Variants in SOX5 observed in about 807,000 individuals in gnomAD.
SOX5 encodes the protein SRY-box transcription factor 5.
In SOX5, 9 loss-of-function variants were observed where a neutral mutation model predicts 92.0. The ratio of observed to expected loss-of-function variants is 0.10; its 90% CI spans 0.06 to 0.17. The LOEUF is 0.17. Ranked by LOEUF, SOX5 falls within the 10% of genes least tolerant of loss-of-function variation. The pLI is 1.00. For missense variants in SOX5, 642 were observed against 944.5 expected (o/e 0.68, Z 4.20); for synonymous variants, 344 against 336.3 (o/e 1.02, Z -0.25).
chr12:23,562,606 T>C (rs1284366733), intron 11 of SOX5, among the ~76,000 whole-genome samples: 1 of 152,210 alleles, frequency 6.6e-6, no homozygotes, highest in Non-Finnish European at 1.5e-5. Context: ...ATTCTGAGGA[T>C]TTTACAACTT....
chr12:24,106,390 A>G (rs1341493710), intron 4 of SOX5, among the ~76,000 whole-genome samples: 3 of 152,224 alleles, frequency 2.0e-5, no homozygotes, highest in Admixed American at 6.5e-5. Flanking sequence ...GGAAATATTC[A>G]AAACTATACA....
At chr12:23,792,729 G>A (rs958610155) in intron 3 of SOX5, among the ~76,000 whole-genome samples, 1 of 146,386 alleles carries the variant, frequency 6.8e-6, no homozygotes, top group African/African-American at 2.5e-5. Context: ...GAAAACAACT[G>A]TATTGTCTGT....
At chr12:23,637,165 T>C (rs1211944470) in intron 8 of SOX5, among the ~76,000 whole-genome samples, 1 of 152,186 alleles carries the variant, frequency 6.6e-6, no homozygotes, top group Non-Finnish European at 1.5e-5. Context: ...CTCATTACCA[T>C]TGAATAAAGA....
Position 24,256,003 on chromosome 12 carries a change from A to G in SOX5, c.-77+21213T>C, listed in dbSNP as rs548695183. Among the ~76,000 whole-genome samples, 110 of 152,324 alleles carry G rather than the reference A, an allele frequency of 7.2e-4. 1 individual carries two copies. Among genetic ancestry groups the G allele is most frequent in the African/African-American group, 2.6e-3 (109 of 41,562 alleles). The stretch of plus-strand genomic sequence containing the variant: ...TAAGTCATACCAACATATATCAAAA[A>G]TTGACCTAGTTGGTTAATGTTTTCT... On this transcript the variant is annotated intron_variant, in intron 3 of 4. Coordinates refer to the SOX5 transcript ENST00000446891.
intron 4 of SOX5, among the ~76,000 whole-genome samples, chr12:24,008,192 C>T (rs1952526936): frequency 6.6e-6 from 1 of 151,816 alleles, no homozygotes; most frequent in African/African-American, 2.4e-5. Context: ...CTACTTTTAC[C>T]AAAACACTTT....
rs1162936163 is a variant in SOX5 at position 23,970,847 on chromosome 12, T to A, written c.-1-74823A>T. ...GACTTTATATATATATATAATTTTT[T>A]TTTTTTTTTAAGAAATGGGCTTGAT... On this transcript the variant is annotated intron_variant, in intron 4 of 4. Coordinates refer to the SOX5 transcript ENST00000446891. Among the ~76,000 whole-genome samples, 8 of 102,782 alleles carry A rather than the reference T, an allele frequency of 7.8e-5. 1 individual carries two copies. Among genetic ancestry groups the A allele is most frequent in the Admixed American group, 2.1e-4 (2 of 9,506 alleles). The allele number at this position is 102,782 out of a possible 152,430, so 67.4% of individuals were successfully genotyped here.
intron 1 of SOX5, among the ~76,000 whole-genome samples, chr12:24,382,342 G>C (rs986585857): frequency 2.0e-5 from 3 of 152,188 alleles, no homozygotes; most frequent in Non-Finnish European, 2.9e-5. Flanking sequence ...GGCCCCAGGA[G>C]AGTTGGTGGC....
intron 1 of SOX5, among the ~76,000 whole-genome samples, chr12:23,928,603 C>T (rs889516133): frequency 1.3e-5 from 2 of 151,564 alleles, no homozygotes; most frequent in Non-Finnish European, 2.9e-5. Context: ...AAACAATAAA[C>T]AATAAAAGCA....
At chr12:24,488,930 G>A (rs1012607861) in intron 1 of SOX5, among the ~76,000 whole-genome samples, 10 of 152,114 alleles carry the variant, frequency 6.6e-5, no homozygotes, top group Admixed American at 5.2e-4. Context: ...TTAAAATATT[G>A]TAATAGAAAG....
At chr12:24,483,733 G>T (rs1175502714) in intron 1 of SOX5, among the ~76,000 whole-genome samples, 1 of 152,086 alleles carries the variant, frequency 6.6e-6, no homozygotes, top group African/African-American at 2.4e-5. Flanking sequence ...CAATAATTTG[G>T]CTCCAATGAG....
intron 4 of SOX5, among the ~76,000 whole-genome samples, chr12:24,162,942 T>C (rs1207661935): frequency 6.6e-6 from 1 of 152,122 alleles, no homozygotes; most frequent in Non-Finnish European, 1.5e-5. Flanking sequence ...GTAGAATTCA[T>C]CTGGCCTTTT....
At chr12:24,410,099 G>T (rs1035848306) in intron 1 of SOX5, among the ~76,000 whole-genome samples, 2 of 151,876 alleles carry the variant, frequency 1.3e-5, no homozygotes, top group Admixed American at 1.3e-4. Context: ...CTAGACTCAG[G>T]TGATCCTCCC....
intron 4 of SOX5, among the ~76,000 whole-genome samples, chr12:24,052,575 C>T (rs527409744): frequency 1.3e-5 from 2 of 152,238 alleles, no homozygotes; most frequent in East Asian, 1.9e-4. Context: ...CCTTTCACAA[C>T]CTAATTAATT....
intron 2 of SOX5, among the ~76,000 whole-genome samples, chr12:24,289,115 T>C (rs1946279725): frequency 6.6e-6 from 1 of 152,056 alleles, no homozygotes. Flanking sequence ...ACCTCCTCTC[T>C]ACCAAAAATA....
intron 4 of SOX5, among the ~76,000 whole-genome samples, chr12:24,184,960 G>GTATTTATTTAAT (rs1955867977): frequency 6.6e-6 from 1 of 152,008 alleles, no homozygotes; most frequent in South Asian, 2.1e-4. Flanking sequence ...AATTCAGTTA[G>GTATTTATTTAAT]TCAATCAACA....
At chr12:24,469,613 G>A (rs555801506) in intron 1 of SOX5, among the ~76,000 whole-genome samples, 16 of 152,192 alleles carry the variant, frequency 1.1e-4, no homozygotes, top group African/African-American at 2.4e-4. Flanking sequence ...TTATGATAAC[G>A]TTAAAACAAA....
intron 6 of SOX5, among the ~76,000 whole-genome samples, chr12:23,700,487 C>T (rs2090476585): frequency 6.6e-6 from 1 of 152,106 alleles, no homozygotes; most frequent in South Asian, 2.1e-4. Context: ...ATTCAACAAG[C>T]TCAAAGTGCC....
At chr12:23,864,496 A>G (rs2096790686) in intron 2 of SOX5, among the ~76,000 whole-genome samples, 1 of 152,222 alleles carries the variant, frequency 6.6e-6, no homozygotes, top group Admixed American at 6.5e-5. Flanking sequence ...GGATGCAAAG[A>G]AAAGGTTCTC....
At chr12:24,281,957 G>A (rs911022256) in intron 2 of SOX5, among the ~76,000 whole-genome samples, 1 of 114,602 alleles carries the variant, frequency 8.7e-6, no homozygotes, top group Admixed American at 8.3e-5. Flanking sequence ...TGTGTTCCTC[G>A]ATGCGATTTC....
Sources: gnomAD v4.1 joint callset for allele counts (sites outside exome capture counted in the v4.1 genomes callset) on GRCh38, gnomAD v4.1.1 for gene constraint, MANE v1.5 for transcripts, NCBI Gene and HGNC (gene_info 2026-07-23, HGNC 2026-07-21) for gene names.